Variants in PABPC4L observed in about 807,000 individuals in gnomAD.
PABPC4L encodes the protein poly(A) binding protein cytoplasmic 4 like.
For synonymous variants in PABPC4L, 169 were observed against 164.1 expected (o/e 1.03, Z -0.23); for missense variants, 452 against 451.4 (o/e 1.00, Z -0.01).
the PABPC4L span, among the ~76,000 whole-genome samples, chr4:134,121,973 T>G: frequency 6.6e-6 from 1 of 151,848 alleles, no homozygotes; most frequent in African/African-American, 2.4e-5. Flanking sequence ...TTGGCTTCCA[T>G]ACCCTGTCTT....
chr4:134,025,531 G>T, the PABPC4L span, among the ~76,000 whole-genome samples: 8 of 152,108 alleles, frequency 5.3e-5, no homozygotes, highest in Admixed American at 2.0e-4. Flanking sequence ...GAACTGAATT[G>T]AATCTATGAC....
chr4:133,979,104 G>A, the PABPC4L span, among the ~76,000 whole-genome samples: 2 of 152,100 alleles, frequency 1.3e-5, no homozygotes, highest in East Asian at 3.9e-4. Flanking sequence ...ATGTTCATGG[G>A]TGGGAAAAAT....
the PABPC4L span, among the ~76,000 whole-genome samples, chr4:134,171,363 C>T: frequency 6.6e-6 from 1 of 152,202 alleles, no homozygotes; most frequent in Non-Finnish European, 1.5e-5. Context: ...ATCCACTTGC[C>T]TCGGCCTCCC....
the PABPC4L span, among the ~76,000 whole-genome samples, chr4:134,042,343 C>T: frequency 0.014 from 2,106 of 152,170 alleles, 70 homozygotes; most frequent in Admixed American, 0.076. Flanking sequence ...TTGGATACAA[C>T]GGTCACTACT....
At chr4:134,035,777 G>A in the PABPC4L span, among the ~76,000 whole-genome samples, 2 of 151,930 alleles carry the variant, frequency 1.3e-5, no homozygotes, top group Non-Finnish European at 2.9e-5. Flanking sequence ...CTATATGATG[G>A]TTGAAATGAT....
At chr4:134,076,782 G>A in the PABPC4L span, among the ~76,000 whole-genome samples, 7 of 152,122 alleles carry the variant, frequency 4.6e-5, no homozygotes, top group Non-Finnish European at 7.4e-5. Context: ...TACCCATATA[G>A]ATAGATAGAT....
chr4:134,167,132 T>A, the PABPC4L span, among the ~76,000 whole-genome samples: 1 of 152,172 alleles, frequency 6.6e-6, no homozygotes, highest in Non-Finnish European at 1.5e-5. Context: ...TAGTGCTAGA[T>A]ACATGGTATT....
the PABPC4L span, among the ~76,000 whole-genome samples, chr4:133,996,872 C>T: frequency 2.0e-5 from 3 of 149,910 alleles, no homozygotes; most frequent in Non-Finnish European, 4.5e-5. Flanking sequence ...CATTGTCGAC[C>T]CCCTAGTAGA....
the PABPC4L span, among the ~76,000 whole-genome samples, chr4:134,029,669 T>G: frequency 6.6e-6 from 1 of 151,860 alleles, no homozygotes. Context: ...ATTAAATTAT[T>G]TTCTTTAGCT....
the PABPC4L span, among the ~76,000 whole-genome samples, chr4:134,136,591 T>A: frequency 6.6e-6 from 1 of 152,092 alleles, no homozygotes; most frequent in African/African-American, 2.4e-5. Flanking sequence ...AGGATTCTTT[T>A]TAGATATTTA....
At chr4:133,998,662 A>T in the PABPC4L span, among the ~76,000 whole-genome samples, 1 of 151,956 alleles carries the variant, frequency 6.6e-6, no homozygotes, top group African/African-American at 2.4e-5. Flanking sequence ...ACACATTCAA[A>T]TCTGTAAATT....
At chr4:134,039,079 T>A in the PABPC4L span, among the ~76,000 whole-genome samples, 1 of 152,180 alleles carries the variant, frequency 6.6e-6, no homozygotes, top group Non-Finnish European at 1.5e-5. Flanking sequence ...TTTCATTATT[T>A]ACCCAATAGT....
the PABPC4L span, among the ~76,000 whole-genome samples, chr4:134,168,600 C>A: frequency 6.6e-6 from 1 of 151,402 alleles, no homozygotes; most frequent in African/African-American, 2.4e-5. Context: ...CAAATGATAC[C>A]ACAGAAATTT....
At chr4:133,995,513 T>G in the PABPC4L span, among the ~76,000 whole-genome samples, 1 of 152,144 alleles carries the variant, frequency 6.6e-6, no homozygotes, top group Admixed American at 6.6e-5. Context: ...GCGGCCTGGG[T>G]ATGACTAATT....
At chr4:134,144,382 C>CTG in the PABPC4L span, among the ~76,000 whole-genome samples, 1 of 151,464 alleles carries the variant, frequency 6.6e-6, no homozygotes, top group Admixed American at 6.6e-5. Flanking sequence ...TAAATAATCT[C>CTG]TGTGTATTTA....
chr4:134,122,858 TTTG>T, the PABPC4L span, among the ~76,000 whole-genome samples: 7 of 152,100 alleles, frequency 4.6e-5, no homozygotes, highest in South Asian at 1.0e-3. Flanking sequence ...TTTAAGGTGT[TTTG>T]TTTACATCAC....
chr4:133,996,757 C>T, the PABPC4L span, among the ~76,000 whole-genome samples: 2 of 152,122 alleles, frequency 1.3e-5, no homozygotes, highest in African/African-American at 4.8e-5. Context: ...CTGCTTAGCA[C>T]CGCCAATGAC....
the PABPC4L span, among the ~76,000 whole-genome samples, chr4:133,957,026 C>G: frequency 1.3e-5 from 2 of 152,126 alleles, no homozygotes; most frequent in Non-Finnish European, 2.9e-5. Context: ...ATTCCACCCC[C>G]AGCAGCTCCC....
At chr4:134,026,579 C>T in the PABPC4L span, among the ~76,000 whole-genome samples, 2 of 152,236 alleles carry the variant, frequency 1.3e-5, no homozygotes. Flanking sequence ...TGTATTCCCT[C>T]TCTGAATTAG....
Sources: gnomAD v4.1 joint callset for allele counts (sites outside exome capture counted in the v4.1 genomes callset) on GRCh38, gnomAD v4.1.1 for gene constraint, MANE v1.5 for transcripts, NCBI Gene and HGNC (gene_info 2026-07-23, HGNC 2026-07-21) for gene names.